Variants in B3GALT1 observed in about 807,000 individuals in gnomAD.
The protein encoded by B3GALT1 is beta-1,3-galactosyltransferase 1.
A neutral mutation model predicts 23.2 loss-of-function variants in B3GALT1; 10 were observed. The ratio of observed to expected loss-of-function variants is 0.43; its 90% CI spans 0.27 to 0.73. The LOEUF is 0.73. Ranked by LOEUF, B3GALT1 falls within the 30% of genes least tolerant of loss-of-function variation. The pLI is 0.21. For missense variants in B3GALT1, 299 were observed against 405.4 expected, an observed-to-expected ratio of 0.74 and a Z score of 2.25; for synonymous variants, 156 against 141.5, an observed-to-expected ratio of 1.10 and a Z score of -0.73.
intron 1 of B3GALT1, among the ~76,000 whole-genome samples, chr2:167,475,758 A>G (rs1699476545): frequency 6.6e-6 from 1 of 152,114 alleles, no homozygotes; most frequent in Non-Finnish European, 1.5e-5. Flanking sequence ...AACAGTAGAA[A>G]TTAATTGTTT....
In B3GALT1 at chr2:167,576,744, G is replaced by GT. The variant is rs1684395905; in HGVS notation, c.-409-70164dup. Among the ~76,000 whole-genome samples, 4 of 151,534 alleles carry GT rather than the reference G, an allele frequency of 2.6e-5. No individual in the cohort carries two copies. The South Asian group carries it at 8.3e-4, about 31-fold the overall frequency. ...ATTTCTATTCTGTCTTTCTAAAGGT[G>GT]TGTGGTCTCCATTTGCATAAATCCT... On this transcript the variant is annotated intron_variant, in intron 2 of 4. Coordinates refer to ENST00000392690, the MANE Select transcript of B3GALT1 (RefSeq NM_020981.4).
chr2:167,528,598 C>G (rs1217277319), intron 2 of B3GALT1, among the ~76,000 whole-genome samples: 1 of 152,126 alleles, frequency 6.6e-6, no homozygotes, highest in East Asian at 1.9e-4. Context: ...GTCTCTTAGT[C>G]TCTCTGTCTC....
chr2:167,385,429 A>G (rs554518121), intron 1 of B3GALT1, among the ~76,000 whole-genome samples: 13 of 152,194 alleles, frequency 8.5e-5, no homozygotes, highest in Admixed American at 1.3e-4. Flanking sequence ...GTGAAATTGT[A>G]TCTTTTTTAT....
rs190245697 is a variant in B3GALT1, at chr2:167,763,825, A to G, written c.-351-54847A>G. ...TCTAGCCTGTAAGGAAAAGTACTAC[A>G]TAGTCTAAGAGCATCAAAGGAAAAC... is the stretch of plus-strand genomic sequence containing the variant. On this transcript the variant is annotated intron_variant, in intron 3 of 4. Coordinates refer to ENST00000392690, the MANE Select transcript of B3GALT1 (RefSeq NM_020981.4). 1.6e-3 allele frequency among the ~76,000 whole-genome samples: 248 copies of G among 152,254 alleles called. 1 individual carries two copies. Among genetic ancestry groups the G allele is most frequent in the Middle Eastern group, 0.014 (4 of 294 alleles).
At chr2:167,385,154 T>G (rs546586553) in intron 1 of B3GALT1, among the ~76,000 whole-genome samples, 2 of 152,250 alleles carry the variant, frequency 1.3e-5, no homozygotes, top group South Asian at 4.1e-4. Context: ...CTCTGCTTTC[T>G]TGTCATTCTC....
At chr2:167,553,573 C>G (rs1358998364) in intron 2 of B3GALT1, among the ~76,000 whole-genome samples, 1 of 152,046 alleles carries the variant, frequency 6.6e-6, no homozygotes, top group African/African-American at 2.4e-5. Flanking sequence ...AAAGGTATGC[C>G]CTAGGTATTA....
At chr2:167,774,639 A>C (rs1295452798) in intron 3 of B3GALT1, among the ~76,000 whole-genome samples, 2 of 151,386 alleles carry the variant, frequency 1.3e-5, no homozygotes, top group Non-Finnish European at 1.5e-5. Flanking sequence ...CTGGGATTAC[A>C]GGCATGTGCC....
intron 4 of B3GALT1, among the ~76,000 whole-genome samples, chr2:167,855,259 G>C (rs953846825): frequency 6.6e-6 from 1 of 152,068 alleles, no homozygotes; most frequent in Non-Finnish European, 1.5e-5. Context: ...TGATTCTGAC[G>C]ACCATGTAAA....
Position 167,755,029 on chromosome 2 carries a change from A to G in B3GALT1, c.-351-63643A>G, listed in dbSNP as rs576953295. On this transcript the variant is annotated intron_variant, in intron 3 of 4. Transcript: ENST00000392690. ...GAGCAGTGTCTAATGAGTATGTTGT[A>G]GGGGGCGGGGTGATGGTGCAGCCTA... Among the ~76,000 whole-genome samples the G allele has an allele frequency of 1.9e-4, 29 of 151,462 alleles. No homozygotes were observed. In the South Asian group the frequency reaches 5.4e-3, roughly 28 times the overall value.
intron 1 of B3GALT1, among the ~76,000 whole-genome samples, chr2:167,410,680 C>A (rs1043474403): frequency 2.6e-5 from 4 of 151,934 alleles, no homozygotes; most frequent in Non-Finnish European, 5.9e-5. Flanking sequence ...AGCAAACCAC[C>A]ATGGCACATA....
At chr2:167,817,885 T>TAAAC (rs1418502867) in intron 3 of B3GALT1, among the ~76,000 whole-genome samples, 1 of 152,220 alleles carries the variant, frequency 6.6e-6, no homozygotes, top group South Asian at 2.1e-4. Flanking sequence ...TCCTGTTATT[T>TAAAC]AAACAAACAG....
chr2:167,717,290 A>C (rs1471336758), intron 3 of B3GALT1, among the ~76,000 whole-genome samples: 2 of 133,360 alleles, frequency 1.5e-5, no homozygotes, highest in South Asian at 5.2e-4. Flanking sequence ...TGGATTATCT[A>C]TGAGTTTTTT....
chr2:167,861,586 G>C (rs1690100786), intron 4 of B3GALT1, among the ~76,000 whole-genome samples: 1 of 152,152 alleles, frequency 6.6e-6, no homozygotes, highest in African/African-American at 2.4e-5. Flanking sequence ...AAGATTCAAA[G>C]ACTGAACCAG....
chr2:167,606,897 C>A (rs548166084), intron 2 of B3GALT1, among the ~76,000 whole-genome samples: 1 of 152,252 alleles, frequency 6.6e-6, no homozygotes, highest in East Asian at 1.9e-4. Context: ...GATGTAGAAT[C>A]TTTTACCGTA....
At chr2:167,868,549 A>G (rs1690279335) in intron 4 of B3GALT1, among the ~76,000 whole-genome samples, 1 of 152,004 alleles carries the variant, frequency 6.6e-6, no homozygotes, top group African/African-American at 2.4e-5. Context: ...AAAAATGACT[A>G]ATGTTCCGCT....
chr2:167,309,842 A>C (rs1040441467), intron 1 of B3GALT1, among the ~76,000 whole-genome samples: 3 of 152,092 alleles, frequency 2.0e-5, no homozygotes, highest in Non-Finnish European at 4.4e-5. Flanking sequence ...TATAAATTTT[A>C]TTCAAATGTT....
chr2:167,533,305 T>A (rs1683362890), intron 2 of B3GALT1, among the ~76,000 whole-genome samples: 1 of 151,430 alleles, frequency 6.6e-6, no homozygotes, highest in Non-Finnish European at 1.5e-5. Flanking sequence ...GTTTCTCATA[T>A]GTACTTTTTA....
chr2:167,446,112 T>G (rs1181129494), intron 1 of B3GALT1, among the ~76,000 whole-genome samples: 1 of 152,224 alleles, frequency 6.6e-6, no homozygotes, highest in Non-Finnish European at 1.5e-5. Flanking sequence ...CTATTTCTCC[T>G]TCACTTATGA....
chr2:167,608,964 G>C (rs1177800813), intron 2 of B3GALT1, among the ~76,000 whole-genome samples: 1 of 152,076 alleles, frequency 6.6e-6, no homozygotes. Context: ...TTGACTCAGT[G>C]ATGGGATCAG....
Sources: allele counts gnomAD v4.1 joint callset (sites outside exome capture counted in the v4.1 genomes callset), GRCh38; gene constraint gnomAD v4.1.1; transcripts MANE v1.5; gene names NCBI Gene and HGNC (gene_info 2026-07-23, HGNC 2026-07-21).